The following MICAL2 variants were observed in gnomAD, a reference collection of about 807,000 sequenced individuals.
MICAL2 encodes the protein [F-actin]-monooxygenase MICAL2.
In MICAL2, 77 loss-of-function variants were observed where a neutral mutation model predicts 127.3. The ratio of observed to expected loss-of-function variants is 0.60; its 90% CI spans 0.50 to 0.73. MICAL2 has a LOEUF of 0.73. Among genes scored for constraint, MICAL2 ranks in the 30% least tolerant of loss-of-function variants. The pLI, the probability that MICAL2 is intolerant of heterozygous loss-of-function variation, is 0.00. For synonymous variants in MICAL2, 570 were observed against 551.1 expected, an observed-to-expected ratio of 1.03 and a Z score of -0.48; for missense variants, 1,351 against 1,434.4, an observed-to-expected ratio of 0.94 and a Z score of 0.94.
At chr11:12,167,720 A>G (rs892529589) in intron 3 of MICAL2, among the ~76,000 whole-genome samples, 2 of 152,172 alleles carry the variant, frequency 1.3e-5, no homozygotes, top group East Asian at 1.9e-4. Context: ...CTTACCTGAC[A>G]ATAGACTGCC....
intron 2 of MICAL2, among the ~76,000 whole-genome samples, chr11:12,146,474 C>G (rs1852918051): frequency 6.6e-6 from 1 of 152,242 alleles, no homozygotes; most frequent in African/African-American, 2.4e-5. Context: ...CTCATCATCA[C>G]TGGCCATCAG....
chr11:12,215,106 C>T (rs1485112454), intron 7 of MICAL2, among the ~76,000 whole-genome samples: 2 of 152,224 alleles, frequency 1.3e-5, no homozygotes, highest in Non-Finnish European at 2.9e-5. Flanking sequence ...TCCTCCAACC[C>T]TCCCTTCCTC....
chr11:12,136,809 G>C (rs1305216222), intron 1 of MICAL2, among the ~76,000 whole-genome samples: 2 of 152,106 alleles, frequency 1.3e-5, no homozygotes, highest in Non-Finnish European at 2.9e-5. Flanking sequence ...TTGTAGCCTG[G>C]TCCAGTCATA....
intron 34 of MICAL2, among the ~76,000 whole-genome samples, chr11:12,356,703 G>T (rs1015514907): frequency 6.6e-6 from 1 of 152,170 alleles, no homozygotes; most frequent in African/African-American, 2.4e-5. Flanking sequence ...CTCCTGTGGG[G>T]TCACTCTGCC....
chr11:12,353,812 G>C (rs1182650860), intron 33 of MICAL2, among the ~76,000 whole-genome samples: 1 of 152,180 alleles, frequency 6.6e-6, no homozygotes, highest in African/African-American at 2.4e-5. Flanking sequence ...CAGCTGGAGA[G>C]TTGCCTGAGT....
chr11:12,188,250 T>C (rs189607169), intron 3 of MICAL2, among the ~76,000 whole-genome samples: 9 of 152,238 alleles, frequency 5.9e-5, no homozygotes, highest in Non-Finnish European at 1.3e-4. Flanking sequence ...TTGCATATAA[T>C]AGATTAGAAT....
chr11:12,111,007 C>G (rs964398567), intron 1 of MICAL2, among the ~76,000 whole-genome samples: 1 of 152,230 alleles, frequency 6.6e-6, no homozygotes, highest in African/African-American at 2.4e-5. Context: ...CCGCAACACC[C>G]AAACCCTGCA....
chr11:12,137,598 T>A (rs6485499), intron 1 of MICAL2, among the ~76,000 whole-genome samples: 108,096 of 150,216 alleles, frequency 0.72, 38,496 homozygotes, highest in Non-Finnish European at 0.75. Flanking sequence ...AGAGAGAGAG[T>A]GTGTGTGTGT....
At chr11:12,200,843 C>T (rs1159139236) in intron 3 of MICAL2, among the ~76,000 whole-genome samples, 3 of 152,210 alleles carry the variant, frequency 2.0e-5, no homozygotes, top group African/African-American at 7.2e-5. Context: ...CCTGCCTTGT[C>T]CAGGGAGCAG....
rs183758499 is a variant in MICAL2, at chr11:12,283,716, A to G, written c.254+2617A>G. ...TAAAAATGTATAAGTAACAATTTTT[A>G]TATTATGTATATTATTTTCCACAAT... On this transcript the variant is annotated intron_variant, in intron 2 of 2. Transcript: ENST00000529028. Among the ~76,000 whole-genome samples, 6 of 152,324 alleles carry G rather than the reference A, an allele frequency of 3.9e-5. No homozygotes were observed. In the East Asian group the frequency reaches 1.2e-3, roughly 29 times the overall value.
Position 12,242,783 on chromosome 11 carries a change from G to T in MICAL2, c.2658+11G>T. Reference sequence around the variant, plus strand: ...GGGGATTTCCCGCAGGTAAACATGGGGCTTTCAGAGCCCCCAGGAACCTGA... The same window carrying T: ...GGGGATTTCCCGCAGGTAAACATGGTGCTTTCAGAGCCCCCAGGAACCTGA... On this transcript the variant is annotated intron_variant, in intron 20 of 27. Transcript: ENST00000683283. 1 of 1,587,396 alleles carries T rather than the reference G, an allele frequency of 6.3e-7. No homozygotes were observed. The highest frequency in any genetic ancestry group is 8.6e-7 in the Non-Finnish European group (1 of 1,166,660).
chr11:12,236,326 G>T, intron 16 of MICAL2, 81 bp downstream of exon 16: 4 of 1,273,448 alleles, frequency 3.1e-6, no homozygotes, highest in Non-Finnish European at 4.6e-6. Context: ...TGTGGTAGCA[G>T]CCTGGCCCTG....
intron 1 of MICAL2, among the ~76,000 whole-genome samples, chr11:12,127,540 G>A (rs983588982): frequency 6.6e-6 from 1 of 152,172 alleles, no homozygotes; most frequent in Non-Finnish European, 1.5e-5. Context: ...ATGGAGAGGG[G>A]AGCAGCTCGG....
chr11:12,223,653 A>G, intron 12 of MICAL2, 152 bp downstream of exon 12: 1 of 627,774 alleles, frequency 1.6e-6, no homozygotes. Context: ...TCCTCTTTGT[A>G]CTCCAGTTCC....
downstream of MICAL2, chr11:12,358,516 G>A: frequency 1.9e-6 from 3 of 1,602,550 alleles, no homozygotes; most frequent in Non-Finnish European, 2.6e-6. Context: ...TGCACGTTGG[G>A]ACCGGATCAG....
At chr11:12,216,142 T>G in intron 7 of MICAL2, 77 bp from the exon 8 acceptor site, 7 of 1,079,580 alleles carry the variant, frequency 6.5e-6, no homozygotes, top group Admixed American at 1.7e-5. Flanking sequence ...AGACCAATAG[T>G]GAGGCAAAGT....
At chr11:12,337,998 C>T (rs1330499862) in intron 32 of MICAL2, among the ~76,000 whole-genome samples, 1 of 152,100 alleles carries the variant, frequency 6.6e-6, no homozygotes, top group Non-Finnish European at 1.5e-5. Flanking sequence ...AGTTCAATTC[C>T]TCGATATCCT....
chr11:12,330,276 A>G (rs1864400497), intron 32 of MICAL2, among the ~76,000 whole-genome samples: 1 of 152,198 alleles, frequency 6.6e-6, no homozygotes. Flanking sequence ...ACCAACGCTT[A>G]TTAGGTTAAG....
At chr11:12,171,625 T>C (rs1405773907) in intron 3 of MICAL2, among the ~76,000 whole-genome samples, 1 of 152,210 alleles carries the variant, frequency 6.6e-6, no homozygotes, top group Non-Finnish European at 1.5e-5. Context: ...GTTGTTCTCC[T>C]GCGCTGAATT....
Sources: allele counts gnomAD v4.1 joint callset (sites outside exome capture counted in the v4.1 genomes callset), GRCh38; gene constraint gnomAD v4.1.1; transcripts MANE v1.5; gene names NCBI Gene and HGNC (gene_info 2026-07-23, HGNC 2026-07-21).